The following ERC2 variants were observed in gnomAD, a reference collection of about 807,000 sequenced individuals.
The protein encoded by ERC2 is ELKS/RAB6-interacting/CAST family member 2, also known as ERC protein 2.
In ERC2, 42 loss-of-function variants were observed where a neutral mutation model predicts 114.8. That is an observed-to-expected ratio of 0.37 (90% CI 0.29 to 0.47). The LOEUF (loss-of-function observed/expected upper bound fraction) is 0.47. Ranked by LOEUF, ERC2 falls within the 20% of genes least tolerant of loss-of-function variation. ERC2 has a pLI of 0.99. For missense variants in ERC2, 939 were observed against 1,150.7 expected (o/e 0.82, Z 2.66); for synonymous variants, 454 against 425.5 (o/e 1.07, Z -0.82).
chr3:55,550,439 T>C (rs1251466132), intron 17 of ERC2, among the ~76,000 whole-genome samples: 1 of 152,228 alleles, frequency 6.6e-6, no homozygotes, highest in Non-Finnish European at 1.5e-5. Flanking sequence ...CCAGGGATGA[T>C]GTGCAGTAAC....
chr3:56,366,530 T>C (rs2059156815), intron 2 of ERC2, among the ~76,000 whole-genome samples: 2 of 152,206 alleles, frequency 1.3e-5, no homozygotes, highest in Non-Finnish European at 2.9e-5. Context: ...CGTGGTAAGT[T>C]AGCACTGTGT....
chr3:55,987,166 C>T (rs1325724491), intron 11 of ERC2, among the ~76,000 whole-genome samples: 2 of 151,988 alleles, frequency 1.3e-5, no homozygotes, highest in African/African-American at 4.8e-5. Flanking sequence ...ATCTGAAATC[C>T]CCCTGCAGAG....
At chr3:56,463,767 T>C (rs554941694) in intron 1 of ERC2, among the ~76,000 whole-genome samples, 1 of 152,360 alleles carries the variant, frequency 6.6e-6, no homozygotes, top group East Asian at 1.9e-4. Context: ...TCCATTGCTC[T>C]ATCTGCATCT....
At chr3:55,982,727 G>A (rs1382578256) in intron 12 of ERC2, among the ~76,000 whole-genome samples, 1 of 152,182 alleles carries the variant, frequency 6.6e-6, no homozygotes, top group African/African-American at 2.4e-5. Context: ...ATTTGTGGAG[G>A]GAATGGGGCA....
chr3:55,755,689 C>T (rs2067007675), intron 14 of ERC2, among the ~76,000 whole-genome samples: 1 of 152,126 alleles, frequency 6.6e-6, no homozygotes, highest in South Asian at 2.1e-4. Flanking sequence ...TAACTAACTG[C>T]CAATGCTGCC....
chr3:56,083,975 G>C (rs1450495120), intron 6 of ERC2, among the ~76,000 whole-genome samples: 1 of 151,516 alleles, frequency 6.6e-6, no homozygotes, highest in African/African-American at 2.4e-5. Flanking sequence ...CAAACATTTT[G>C]CTTCCTTATC....
At chr3:56,185,806 G>C (rs953867375) in intron 3 of ERC2, among the ~76,000 whole-genome samples, 2 of 152,160 alleles carry the variant, frequency 1.3e-5, no homozygotes, top group African/African-American at 4.8e-5. Flanking sequence ...TGGATAATCT[G>C]GGTGAGTGCA....
intron 17 of ERC2, among the ~76,000 whole-genome samples, chr3:55,666,864 C>T (rs1007556176): frequency 1.3e-5 from 2 of 152,116 alleles, no homozygotes; most frequent in African/African-American, 4.8e-5. Context: ...AGGCAACTTT[C>T]GTAAACTCTC....
intron 17 of ERC2, among the ~76,000 whole-genome samples, chr3:55,578,203 A>G (rs1292282558): frequency 6.6e-6 from 1 of 152,224 alleles, no homozygotes; most frequent in Non-Finnish European, 1.5e-5. Flanking sequence ...CAGCCTAGAA[A>G]GTTAAAAATG....
chr3:55,578,683 T>C (rs888955806), intron 17 of ERC2, among the ~76,000 whole-genome samples: 1 of 152,352 alleles, frequency 6.6e-6, no homozygotes, highest in South Asian at 2.1e-4. Flanking sequence ...TATTTATTAT[T>C]GCTCATGAGT....
intron 2 of ERC2, among the ~76,000 whole-genome samples, chr3:56,428,876 C>T (rs1308445118): frequency 4.6e-5 from 7 of 152,204 alleles, no homozygotes; most frequent in South Asian, 2.1e-4. Flanking sequence ...CACTTCTGCA[C>T]ACGCAAGATG....
chr3:56,039,888 T>C (rs2075026946), intron 7 of ERC2, among the ~76,000 whole-genome samples: 1 of 152,090 alleles, frequency 6.6e-6, no homozygotes. Context: ...GAACATGCAA[T>C]AGGGGAAAGA....
intron 7 of ERC2, among the ~76,000 whole-genome samples, chr3:56,064,270 G>A (rs538688687): frequency 6.6e-6 from 1 of 152,284 alleles, no homozygotes; most frequent in East Asian, 1.9e-4. Flanking sequence ...CTGCAGCAAA[G>A]GACCTTTGCC....
At chr3:55,755,284 C>T (rs548126414) in intron 14 of ERC2, among the ~76,000 whole-genome samples, 3 of 152,162 alleles carry the variant, frequency 2.0e-5, no homozygotes, top group Admixed American at 1.3e-4. Context: ...CCAGCATTCA[C>T]GATGAGGAAT....
At chr3:55,851,188 T>TTTTTTTTTTTTTTTTTTTTG (rs1427189122) in intron 14 of ERC2, among the ~76,000 whole-genome samples, 22 of 148,048 alleles carry the variant, frequency 1.5e-4, no homozygotes, top group African/African-American at 5.0e-4. Context: ...ATGATTTTTT[T>TTTTTTTTTTTTTTTTTTTTG]AAGCCCATGC....
intron 2 of ERC2, among the ~76,000 whole-genome samples, chr3:56,352,194 G>A (rs1308078207): frequency 6.6e-6 from 1 of 152,204 alleles, no homozygotes; most frequent in Non-Finnish European, 1.5e-5. Flanking sequence ...TAACAGCGTG[G>A]AAAGATATTT....
chr3:56,220,053 C>T (rs1190429336), intron 3 of ERC2, among the ~76,000 whole-genome samples: 1 of 152,132 alleles, frequency 6.6e-6, no homozygotes, highest in African/African-American at 2.4e-5. Flanking sequence ...ATACGACAAA[C>T]AAAAGCAGAT....
intron 3 of ERC2, among the ~76,000 whole-genome samples, chr3:56,181,662 G>A (rs1041355376): frequency 1.3e-5 from 2 of 152,142 alleles, no homozygotes; most frequent in African/African-American, 2.4e-5. Context: ...CTCCTTCACT[G>A]TAGACTGGAC....
intron 17 of ERC2, among the ~76,000 whole-genome samples, chr3:55,597,643 T>G (rs1016817445): frequency 3.9e-5 from 6 of 152,162 alleles, no homozygotes; most frequent in African/African-American, 1.4e-4. Flanking sequence ...GTTTCTGAAG[T>G]CATCCTATTT....
Sources: gnomAD v4.1 joint callset for allele counts (sites outside exome capture counted in the v4.1 genomes callset) on GRCh38, gnomAD v4.1.1 for gene constraint, MANE v1.5 for transcripts, NCBI Gene and HGNC (gene_info 2026-07-23, HGNC 2026-07-21) for gene names.